Variants in TNN observed in about 807,000 individuals in gnomAD.
The protein encoded by TNN is tenascin N.
In TNN, 122 loss-of-function variants were observed where a neutral mutation model predicts 134.4. The observed-to-expected ratio is 0.91, with a 90% confidence interval of 0.78 to 1.06. The LOEUF is 1.06. Among genes scored for constraint, TNN ranks in the 50% least tolerant of loss-of-function variants. The pLI, the probability that TNN is intolerant of heterozygous loss-of-function variation, is 0.00. For missense variants in TNN, 1,739 were observed against 1,699.4 expected (o/e 1.02, Z -0.41); for synonymous variants, 710 against 670.3 (o/e 1.06, Z -0.91).
chr1:175,125,872 C>A (rs1451373568), intron 12 of TNN, among the ~76,000 whole-genome samples: 1 of 107,292 alleles, frequency 9.3e-6, no homozygotes, highest in Non-Finnish European at 1.9e-5. Context: ...CTTTTTCTTT[C>A]TTTCTTTTCT....
intron 17 of TNN, among the ~76,000 whole-genome samples, chr1:175,138,103 C>T (rs892363784): frequency 6.6e-6 from 1 of 152,158 alleles, no homozygotes; most frequent in African/African-American, 2.4e-5. Context: ...GAGTTTATCT[C>T]ACAGCCTTGC....
rs1210802317 is a variant in TNN at position 175,085,447 on chromosome 1, T to C, written c.1277T>C (p.Met426Thr). 1.2e-6 allele frequency: 2 copies of C among 1,612,880 alleles called. No homozygotes were observed. The highest frequency in any genetic ancestry group is 1.7e-6 in the Non-Finnish European group (2 of 1,179,490). Residue 426 changes from methionine to threonine, a missense_variant, in exon 6 of 19, where the codon ATG (methionine) becomes ACG (threonine). By Grantham distance (81) the Met-to-Thr change is moderately conservative (BLOSUM62 -1). Transcript: ENST00000239462. ...GAGTATAAGATCACGGTGGTGCCCA[T>C]GAGAGGAGAGCTGGAGGGCAAGCCG... Reference protein sequence around the residue: ...GTEYKITVVPMRGELEGKPIL... With the variant: ...GTEYKITVVPTRGELEGKPIL...
At chr1:175,137,789 G>A (rs1184502200) in intron 17 of TNN, among the ~76,000 whole-genome samples, 3 of 152,206 alleles carry the variant, frequency 2.0e-5, no homozygotes, top group Admixed American at 6.5e-5. Flanking sequence ...TGACTTTGGT[G>A]TATTTACACA....
At chr1:175,129,212 A>G (rs1490547426) in intron 15 of TNN, among the ~76,000 whole-genome samples, 1 of 152,198 alleles carries the variant, frequency 6.6e-6, no homozygotes, top group African/African-American at 2.4e-5. Context: ...GCGAGAATCA[A>G]TATTATTATA....
At chr1:175,136,795 A>G in intron 16 of TNN, 26 bp from the exon 17 acceptor site, 2 of 1,608,224 alleles carry the variant, frequency 1.2e-6, no homozygotes, top group Non-Finnish European at 1.7e-6. Flanking sequence ...TTGATTGATT[A>G]TTGGAATTCC....
intron 1 of TNN, among the ~76,000 whole-genome samples, chr1:175,069,624 T>C (rs1394973810): frequency 6.6e-6 from 1 of 152,170 alleles, no homozygotes; most frequent in African/African-American, 2.4e-5. Flanking sequence ...TTGGCTCCTA[T>C]AGGATCTGGA....
intron 17 of TNN, among the ~76,000 whole-genome samples, chr1:175,139,039 A>G (rs1032735812): frequency 1.3e-5 from 2 of 152,228 alleles, no homozygotes; most frequent in Non-Finnish European, 2.9e-5. Flanking sequence ...GGTACTTACT[A>G]TGAATGGAGC....
chr1:175,085,770 A>G (rs1330919796), intron 6 of TNN, among the ~76,000 whole-genome samples: 3 of 151,300 alleles, frequency 2.0e-5, no homozygotes, highest in Non-Finnish European at 2.9e-5. Flanking sequence ...GCTACTCGGG[A>G]GACTGAGGCA....
chr1:175,121,703 AT>A (rs1675381381), intron 11 of TNN, among the ~76,000 whole-genome samples: 2 of 22,252 alleles, frequency 9.0e-5, no homozygotes, highest in Admixed American at 9.9e-4. Flanking sequence ...TGAGGTATGG[AT>A]GATAATACCT....
intron 7 of TNN, among the ~76,000 whole-genome samples, 193 bp from the exon 8 acceptor site, chr1:175,097,224 T>C (rs1425018175): frequency 6.6e-6 from 1 of 152,214 alleles, no homozygotes; most frequent in Non-Finnish European, 1.5e-5. Flanking sequence ...AAACTCCACT[T>C]CTTATTAAAT....
chr1:175,070,468 G>A (rs1673889911), intron 1 of TNN, among the ~76,000 whole-genome samples: 2 of 152,146 alleles, frequency 1.3e-5, no homozygotes, highest in Non-Finnish European at 2.9e-5. Flanking sequence ...CTAGCACGGT[G>A]GTGTGAGAGT....
Position 175,077,779 on chromosome 1 carries a change from G to T in TNN, c.361G>T (p.Glu121Ter), listed in dbSNP as rs995127769. Residue 121 changes from glutamate (E) to a stop codon, truncating the protein, a stop_gained, in exon 2 of 19, where the codon GAG becomes TAG. Transcript: ENST00000239462. LOFTEE classifies it high-confidence loss of function. ...RVKKLEEEMV[E>*]MKEQCSAQRC... ...GAAGAAGCTGGAGGAAGAGATGGTG[G>T]AGATGAAGGAACAGTGTAGTGCCCA... 4 of 1,614,112 alleles carry T rather than the reference G, an allele frequency of 2.5e-6. No homozygotes were observed. The Admixed American group carries it at 5.0e-5, about 20-fold the overall frequency.
intron 7 of TNN, among the ~76,000 whole-genome samples, chr1:175,095,482 CT>C (rs1223848279): frequency 6.6e-6 from 1 of 152,172 alleles, no homozygotes; most frequent in Non-Finnish European, 1.5e-5. Context: ...TAGATTGCCC[CT>C]CCTGGTTTAC....
chr1:175,067,890 C>A lies in TNN; in HGVS notation c.-81C>A. 2.0e-6 allele frequency: 1 copy of A among 499,148 alleles called. No individual in the cohort carries two copies. The highest frequency in any genetic ancestry group is 1.5e-5 in the South Asian group (1 of 67,888). 30.9% of individuals were successfully genotyped at this position (499,148 alleles called of 1,614,324 possible). A position where few individuals can be genotyped will look rare whatever the true frequency, so the allele number is the denominator to read the frequency against. ...AAGGTCTGCGGCAGGAGGAGACCGG[C>A]TCACAGGAGCAGCAGCATTGGAAGA... On this transcript the variant is annotated 5_prime_UTR_variant, in exon 1 of 19. Coordinates refer to ENST00000239462, the MANE Select transcript of TNN (RefSeq NM_022093.2).
chr1:175,117,500 T>A (rs1488346048), intron 10 of TNN, among the ~76,000 whole-genome samples: 1 of 152,166 alleles, frequency 6.6e-6, no homozygotes, highest in Admixed American at 6.5e-5. Flanking sequence ...TTAGTGAGTT[T>A]GTGAGTGGGA....
intron 6 of TNN, among the ~76,000 whole-genome samples, chr1:175,090,335 A>G (rs1196590647): frequency 2.0e-5 from 3 of 152,194 alleles, no homozygotes; most frequent in Middle Eastern, 3.2e-3. Context: ...TGTTGCCACA[A>G]TTGAAAGACA....
intron 18 of TNN, among the ~76,000 whole-genome samples, chr1:175,145,552 C>CAAAA (rs3028580): frequency 2.4e-4 from 7 of 28,914 alleles, no homozygotes; most frequent in African/African-American, 7.3e-4. Context: ...GACCCTGTCT[C>CAAAA]AAAAAAAAAA....
Position 175,094,762 on chromosome 1 carries a change from G to A in TNN, c.1588+509G>A, listed in dbSNP as rs146607962. Among the ~76,000 whole-genome samples, 534 of 152,248 alleles carry A rather than the reference G, an allele frequency of 3.5e-3. 3 individuals are homozygous for A. The highest frequency in any genetic ancestry group is 0.012 in the African/African-American group (516 of 41,542). On this transcript the variant is annotated intron_variant, in intron 7 of 18. Transcript: ENST00000239462. ...CACCCAGTCATTCTGCTCAGTTTGCGCCTGCAGGGGTCCTGGGACTATACT... is the reference window on the plus strand; with the variant it reads ...CACCCAGTCATTCTGCTCAGTTTGCACCTGCAGGGGTCCTGGGACTATACT...
intron 11 of TNN, among the ~76,000 whole-genome samples, chr1:175,121,514 T>C (rs1278957292): frequency 6.6e-6 from 1 of 152,174 alleles, no homozygotes; most frequent in Non-Finnish European, 1.5e-5. Context: ...TGATGCAGTG[T>C]TCATTTAAAA....
Sources: allele counts gnomAD v4.1 joint callset (sites outside exome capture counted in the v4.1 genomes callset), GRCh38; gene constraint gnomAD v4.1.1; transcripts MANE v1.5; gene names NCBI Gene and HGNC (gene_info 2026-07-23, HGNC 2026-07-21).